Variants in FBXO32 observed in about 807,000 individuals in gnomAD.
FBXO32 encodes F-box only protein 32.
In FBXO32, 15 loss-of-function variants were observed where a neutral mutation model predicts 48.3. That is an observed-to-expected ratio of 0.31 (90% CI 0.21 to 0.48). The LOEUF is 0.48. Ranked by LOEUF, FBXO32 falls within the 20% of genes least tolerant of loss-of-function variation. FBXO32 has a pLI of 0.99. For missense variants in FBXO32, 309 were observed against 432.7 expected, an observed-to-expected ratio of 0.71 and a Z score of 2.54; for synonymous variants, 154 against 165.9, an observed-to-expected ratio of 0.93 and a Z score of 0.55.
At chr8:123,534,307 T>C (rs966367650) in intron 2 of FBXO32, among the ~76,000 whole-genome samples, 4 of 152,170 alleles carry the variant, frequency 2.6e-5, no homozygotes, top group Non-Finnish European at 4.4e-5. Context: ...ATATATAGTA[T>C]CTAGAAATGT....
rs1049422418 is a variant in FBXO32 at position 123,498,491 on chromosome 8, G to C, written c.*4882C>G. ...CTTTGAAAAATGCCCAGCAGACAAA[G>C]TCATGAATATCATGGCCCCTTGCTC... On this transcript the variant is annotated 3_prime_UTR_variant, in exon 9 of 9. Transcript: ENST00000517956. 4 of 152,210 alleles carry C rather than the reference G, an allele frequency of 2.6e-5. No individual in the cohort carries two copies. Among genetic ancestry groups the C allele is most frequent in the African/African-American group, 9.7e-5 (4 of 41,444 alleles). The allele number at this position is 152,210 out of a possible 1,614,324, so 9.4% of individuals were successfully genotyped here.
Position 123,525,005 on chromosome 8 carries a change from C to T in FBXO32, c.372+6893G>A, listed in dbSNP as rs989303162. On this transcript the variant is annotated intron_variant, in intron 4 of 8. Transcript: ENST00000517956. The surrounding 1 kb of genome is among the most constrained non-coding windows in gnomAD (Gnocchi z 4.3). ...ATCCAAGGTCACTGTGGCAGAGGAA[C>T]CTGTGTGAAGGGGCCAGGATGCTGA... 6.6e-6 allele frequency among the ~76,000 whole-genome samples: 1 copy of T among 152,220 alleles called. No homozygotes were observed. Among genetic ancestry groups the T allele is most frequent in the African/African-American group, 2.4e-5 (1 of 41,458 alleles).
At chr8:123,523,546 C>T (rs1394900007) in intron 4 of FBXO32, among the ~76,000 whole-genome samples, 1 of 151,892 alleles carries the variant, frequency 6.6e-6, no homozygotes, top group Non-Finnish European at 1.5e-5. Context: ...GCCAAGATCG[C>T]GGCACTGCAC....
chr8:123,521,910 T>C (rs1453346367), intron 4 of FBXO32, among the ~76,000 whole-genome samples: 2 of 152,142 alleles, frequency 1.3e-5, no homozygotes, highest in Non-Finnish European at 2.9e-5. Flanking sequence ...CTCTCTCTGC[T>C]CTGAGTGCTG....
chr8:123,509,060 G>A (rs556923240), intron 6 of FBXO32, among the ~76,000 whole-genome samples: 8 of 152,060 alleles, frequency 5.3e-5, no homozygotes, highest in South Asian at 2.1e-4. Flanking sequence ...CCTGCCCACC[G>A]CATACTGTCA....
rs1816402912 is a variant in FBXO32 at position 123,498,398 on chromosome 8, A to G, written c.*4975T>C. ...TTGGAGCAGCCATCATTTTTGGCCA[A>G]ATGGAGCAGGGCCTAAGTTTTGAGA... is the stretch of plus-strand genomic sequence containing the variant. On this transcript the variant is annotated 3_prime_UTR_variant, in exon 9 of 9. Coordinates refer to ENST00000517956, the MANE Select transcript of FBXO32 (RefSeq NM_058229.4). 1 of 152,204 alleles carries G rather than the reference A, an allele frequency of 6.6e-6. No individual in the cohort carries two copies. The highest frequency in any genetic ancestry group is 1.5e-5 in the Non-Finnish European group (1 of 68,038). The allele number at this position is 152,204 out of a possible 1,614,324, so 9.4% of individuals were successfully genotyped here. A position where few individuals can be genotyped will look rare whatever the true frequency, so the allele number is the denominator to read the frequency against.
In FBXO32 at chr8:123,525,519, C is replaced by T. The variant is rs1275172113; in HGVS notation, c.372+6379G>A. 3.9e-5 allele frequency among the ~76,000 whole-genome samples: 6 copies of T among 152,134 alleles called. No individual in the cohort carries two copies. The highest frequency in any genetic ancestry group is 1.9e-4 in the East Asian group (1 of 5,198). On this transcript the variant is annotated intron_variant, in intron 4 of 8. Coordinates refer to ENST00000517956, the MANE Select transcript of FBXO32 (RefSeq NM_058229.4). This position sits in a 1 kb window ranked among gnomAD's most constrained non-coding sequence, Gnocchi z 4.3. ...ATTCTGGCATTAAGAACCTCTCCTGCGATATAGCCTGTGTGCATGTGTGCA... is the reference window on the plus strand; with the variant it reads ...ATTCTGGCATTAAGAACCTCTCCTGTGATATAGCCTGTGTGCATGTGTGCA...
chr8:123,527,526 G>A (rs1817110615), intron 4 of FBXO32, among the ~76,000 whole-genome samples: 1 of 152,094 alleles, frequency 6.6e-6, no homozygotes. Context: ...TCACTGGGGA[G>A]AATATAAAGA....
At chr8:123,507,549 T>C (rs1018725858) in intron 6 of FBXO32, among the ~76,000 whole-genome samples, 3 of 152,146 alleles carry the variant, frequency 2.0e-5, no homozygotes, top group Non-Finnish European at 2.9e-5. Flanking sequence ...GAGACTTCTC[T>C]ATTTCAACCG....
At chr8:123,514,818 A>G (rs753494655) in intron 4 of FBXO32, among the ~76,000 whole-genome samples, 5 of 152,138 alleles carry the variant, frequency 3.3e-5, no homozygotes, top group African/African-American at 9.7e-5. Flanking sequence ...TTATCCTGAT[A>G]CCTCCTGCTT....
At chr8:123,523,882 C>A (rs996185686) in intron 4 of FBXO32, among the ~76,000 whole-genome samples, 3 of 152,154 alleles carry the variant, frequency 2.0e-5, no homozygotes, top group Admixed American at 6.5e-5. Flanking sequence ...ATGACAGTAA[C>A]AGCAACAACC....
chr8:123,519,099 ACAGGCATGAGCCACTGTGCCTGG>A (rs1239642534), intron 4 of FBXO32, among the ~76,000 whole-genome samples: 5 of 152,150 alleles, frequency 3.3e-5, no homozygotes, highest in African/African-American at 1.2e-4. Flanking sequence ...TGCTGGGATT[ACAGGCATGAGCCACTGTGCCTGG>A]CAGAACATAT....
intron 7 of FBXO32, among the ~76,000 whole-genome samples, chr8:123,505,980 T>TG (rs1451885180): frequency 6.6e-6 from 1 of 152,082 alleles, no homozygotes; most frequent in South Asian, 2.1e-4. Flanking sequence ...CCCAGAGCTT[T>TG]GGGGGTGCCG....
At chr8:123,536,213 T>C (rs1330973840) in intron 1 of FBXO32, among the ~76,000 whole-genome samples, 2 of 152,240 alleles carry the variant, frequency 1.3e-5, no homozygotes, top group African/African-American at 4.8e-5. Context: ...ATACCATTTA[T>C]TGAGTTTCCT....
At chr8:123,515,259 G>A (rs149185091) in intron 4 of FBXO32, among the ~76,000 whole-genome samples, 14 of 152,152 alleles carry the variant, frequency 9.2e-5, no homozygotes, top group African/African-American at 2.9e-4. Context: ...TTTTTGAGAC[G>A]GCATCTTGCT....
At chr8:123,505,816 C>T (rs1816604878) in intron 7 of FBXO32, among the ~76,000 whole-genome samples, 2 of 152,034 alleles carry the variant, frequency 1.3e-5, no homozygotes, top group South Asian at 2.1e-4. Flanking sequence ...AGGATGGGTG[C>T]CAATTTATGA....
At position 123,504,709 on chromosome 8, in the gene FBXO32, C is replaced by T; in HGVS notation, c.873G>A (p.Leu291=). The part of the protein sequence containing the change: ...KRLILSDKGQ[L]DWKKMYFKLV... Reference sequence around the variant, plus strand: ...GTTTGAAATACATCTTCTTCCAATCCAGCTGCCCTTTGTCTGACAGAATTA... The same window carrying T: ...GTTTGAAATACATCTTCTTCCAATCTAGCTGCCCTTTGTCTGACAGAATTA... Residue 291 remains leucine (L), a synonymous_variant, in exon 8 of 9, where the codon CTG becomes CTA. Coordinates refer to ENST00000517956, the MANE Select transcript of FBXO32 (RefSeq NM_058229.4). 6.2e-7 allele frequency: 1 copy of T among 1,613,956 alleles called. No individual in the cohort carries two copies.
intron 4 of FBXO32, among the ~76,000 whole-genome samples, chr8:123,518,427 C>T (rs551400228): frequency 5.3e-4 from 81 of 152,322 alleles, no homozygotes; most frequent in African/African-American, 1.9e-3. Flanking sequence ...TGCTGTATTT[C>T]AATTGTAGCT....
intron 4 of FBXO32, chr8:123,527,288 AAGT>A (rs1817099690): frequency 1.3e-5 from 2 of 152,164 alleles, no homozygotes; most frequent in Non-Finnish European, 2.9e-5. Flanking sequence ...GGAGGAGTGT[AAGT>A]TTGAATTCAA....
Sources: gnomAD v4.1 joint callset for allele counts (sites outside exome capture counted in the v4.1 genomes callset) on GRCh38, gnomAD v4.1.1 for gene constraint, Gnocchi (gnomAD v3.1) non-coding constraint, MANE v1.5 for transcripts, NCBI Gene and HGNC (gene_info 2026-07-23, HGNC 2026-07-21) for gene names.